ADAM22: variants seen among roughly 807,000 people sequenced by gnomAD.
ADAM22 encodes ADAM metallopeptidase domain 22, also known as disintegrin and metalloproteinase domain-containing protein 22.
In ADAM22, 65 loss-of-function variants were observed where a neutral mutation model predicts 144.6. The ratio of observed to expected loss-of-function variants is 0.45; its 90% CI spans 0.37 to 0.55. The LOEUF is 0.55. ADAM22 is among the 20% of genes least tolerant of loss of function. ADAM22 has a pLI of 0.00. For synonymous variants in ADAM22, 391 were observed against 412.6 expected, an observed-to-expected ratio of 0.95 and a Z score of 0.63; for missense variants, 974 against 1,184.9, an observed-to-expected ratio of 0.82 and a Z score of 2.61.
rs35764191 is a variant in ADAM22, at chr7:88,139,418, C to CTAAATAAA, written c.1220+3420_1220+3427dup. ...GGGTGACAAGAGTGAGACTCCATCT[C>CTAAATAAA]TAAATAAATAAATAAATAAATAAAT... On this transcript the variant is annotated intron_variant, in intron 14 of 31. Transcript: ENST00000413139. 5.0e-3 allele frequency among the ~76,000 whole-genome samples: 730 copies of CTAAATAAA among 146,254 alleles called. 3 individuals carry two copies. Among genetic ancestry groups the CTAAATAAA allele is most frequent in the African/African-American group, 0.013 (497 of 39,222 alleles).
At chr7:88,096,231 T>A (rs1266622885) in intron 4 of ADAM22, among the ~76,000 whole-genome samples, 1 of 46,180 alleles carries the variant, frequency 2.2e-5, no homozygotes. Context: ...CTGAAAATAC[T>A]TTTTTTTTTT....
chr7:88,084,821 A>G (rs1262354585), intron 4 of ADAM22, among the ~76,000 whole-genome samples: 5 of 152,230 alleles, frequency 3.3e-5, no homozygotes, highest in Non-Finnish European at 4.4e-5. Context: ...GGTGGCTTAA[A>G]CAATAGAAAT....
In ADAM22 at chr7:88,200,290, A is replaced by C. The variant is rs183341421; in HGVS notation, c.*3799A>C. 5 of 152,360 alleles carry C rather than the reference A, an allele frequency of 3.3e-5. No individual in the cohort carries two copies. In the East Asian group the frequency reaches 9.6e-4, roughly 29 times the overall value. 9.4% of individuals were successfully genotyped at this position (152,360 alleles called of 1,614,324 possible). On this transcript the variant is annotated 3_prime_UTR_variant, in exon 32 of 32. Coordinates refer to ENST00000413139, the MANE Select transcript of ADAM22 (RefSeq NM_001324418.2). ...ATGTTATTATTTAACACAATAATAA[A>C]TTCTTATCTAAAGAAAAGATTATTT...
chr7:88,193,322 T>C, intron 31 of ADAM22, 83 bp downstream of exon 31: 1 of 1,440,460 alleles, frequency 6.9e-7, no homozygotes, highest in Non-Finnish European at 9.3e-7. Context: ...GAGAGAACCA[T>C]TTTTCCTCCC....
In ADAM22 at chr7:88,140,288, A is replaced by G. The variant is rs1021275582; in HGVS notation, c.1221-2738A>G. On this transcript the variant is annotated intron_variant, in intron 14 of 31. Transcript: ENST00000413139. ...ACTTTATCATCGTGTCTGCTGCTTG[A>G]TTCAGTCCCTGCTTCTCAGCTGAGC... 5.3e-5 allele frequency among the ~76,000 whole-genome samples: 8 copies of G among 152,110 alleles called. No homozygotes were observed. In the East Asian group the frequency reaches 1.6e-3, roughly 30 times the overall value.
chr7:88,108,323 T>C, intron 5 of ADAM22, 65 bp downstream of exon 5: 2 of 1,269,212 alleles, frequency 1.6e-6, no homozygotes, highest in Non-Finnish European at 2.3e-6. Flanking sequence ...TTATTATGAA[T>C]GCACTATAGT....
intron 19 of ADAM22, 50 bp from the exon 20 acceptor site, chr7:88,151,207 G>T: frequency 6.2e-7 from 1 of 1,607,084 alleles, no homozygotes; most frequent in South Asian, 1.1e-5. Context: ...TCAGTTATCT[G>T]ACATAAGCAG....
rs1356553587 is a variant in ADAM22, at chr7:88,007,696, A to G, written c.323+29284A>G. 7.9e-5 allele frequency among the ~76,000 whole-genome samples: 12 copies of G among 152,318 alleles called. No homozygotes were observed. In the East Asian group the frequency reaches 2.1e-3, roughly 27 times the overall value. On this transcript the variant is annotated intron_variant, in intron 3 of 31. Transcript: ENST00000413139. ...GGTGCTGGGAAAACTGGCTAGCCATATGTAGAAAGCTGAAACTGGATCCCT... is the reference window on the plus strand; with the variant it reads ...GGTGCTGGGAAAACTGGCTAGCCATGTGTAGAAAGCTGAAACTGGATCCCT...
At chr7:87,981,433 T>C (rs1853390735) in intron 3 of ADAM22, among the ~76,000 whole-genome samples, 1 of 152,122 alleles carries the variant, frequency 6.6e-6, no homozygotes, top group Non-Finnish European at 1.5e-5. Context: ...CTTATAGCAG[T>C]CTTCTTTTCC....
intron 2 of ADAM22, among the ~76,000 whole-genome samples, chr7:87,973,340 C>T (rs1850982296): frequency 6.6e-6 from 1 of 152,162 alleles, no homozygotes; most frequent in Non-Finnish European, 1.5e-5. Flanking sequence ...TGGAGAAGTG[C>T]TCACCATCAC....
chr7:88,030,623 TA>T (rs1800012193), intron 3 of ADAM22, among the ~76,000 whole-genome samples: 1 of 152,132 alleles, frequency 6.6e-6, no homozygotes, highest in African/African-American at 2.4e-5. Context: ...ATCATCCACC[TA>T]GTGCTGTCTT....
chr7:87,999,456 T>C (rs866799827), intron 3 of ADAM22, among the ~76,000 whole-genome samples: 1 of 152,350 alleles, frequency 6.6e-6, no homozygotes, highest in South Asian at 2.1e-4. Context: ...CTAGTTAGCA[T>C]GTGGAACTGG....
chr7:88,134,169 C>T (rs1832477373), intron 12 of ADAM22, among the ~76,000 whole-genome samples, 160 bp from the exon 13 acceptor site: 1 of 152,120 alleles, frequency 6.6e-6, no homozygotes, highest in Non-Finnish European at 1.5e-5. Context: ...ACTACTTTTT[C>T]CCAAATGCAT....
At chr7:87,960,392 G>A (rs532650785) in intron 2 of ADAM22, among the ~76,000 whole-genome samples, 6 of 151,662 alleles carry the variant, frequency 4.0e-5, no homozygotes, top group Admixed American at 6.6e-5. Context: ...GTGTGTGTGT[G>A]TGTGTCTGTG....
At chr7:88,084,794 C>G (rs568128368) in intron 4 of ADAM22, among the ~76,000 whole-genome samples, 1 of 152,140 alleles carries the variant, frequency 6.6e-6, no homozygotes. Flanking sequence ...GCTACCATAA[C>G]AAAGTACCAC....
At chr7:88,089,801 A>G (rs535984496) in intron 4 of ADAM22, 1 of 152,294 alleles carries the variant, frequency 6.6e-6, no homozygotes, top group South Asian at 2.1e-4. Flanking sequence ...TTCAAATCCA[A>G]GTTTCAGGCA....
At chr7:88,062,220 TA>T (rs1810082414) in intron 3 of ADAM22, among the ~76,000 whole-genome samples, 1 of 151,954 alleles carries the variant, frequency 6.6e-6, no homozygotes, top group Non-Finnish European at 1.5e-5. Context: ...CTTCTTCCAA[TA>T]AAAGGCTGTT....
intron 3 of ADAM22, among the ~76,000 whole-genome samples, chr7:88,052,801 T>C (rs1806874356): frequency 6.6e-6 from 1 of 152,222 alleles, no homozygotes; most frequent in African/African-American, 2.4e-5. Flanking sequence ...TTAAATTCTA[T>C]TGCTCTTCAC....
chr7:87,964,773 C>G (rs570367602), intron 2 of ADAM22: 2 of 321,144 alleles, frequency 6.2e-6, no homozygotes, highest in South Asian at 5.4e-5. Context: ...TTCAACCTTC[C>G]TGGAACTCAA....
Sources: allele counts gnomAD v4.1 joint callset (sites outside exome capture counted in the v4.1 genomes callset), GRCh38; gene constraint gnomAD v4.1.1; transcripts MANE v1.5; gene names NCBI Gene and HGNC (gene_info 2026-07-23, HGNC 2026-07-21).